SLC8A1: variants seen among roughly 807,000 people sequenced by gnomAD.
SLC8A1 encodes solute carrier family 8 member A1, also known as sodium/calcium exchanger 1.
A neutral mutation model predicts 68.3 loss-of-function variants in SLC8A1; 18 were observed. The observed-to-expected ratio is 0.26, with a 90% CI of 0.18 to 0.39. SLC8A1 has a LOEUF of 0.39. Among genes scored for constraint, SLC8A1 ranks in the 10% least tolerant of loss-of-function variants. The pLI is 1.00. For synonymous variants in SLC8A1, 475 were observed against 415.5 expected (o/e 1.14, Z -1.74); for missense variants, 985 against 1,156.7 (o/e 0.85, Z 2.15).
chr2:40,405,999 T>C (rs1474380201), intron 2 of SLC8A1, among the ~76,000 whole-genome samples: 1 of 152,218 alleles, frequency 6.6e-6, no homozygotes, highest in African/African-American at 2.4e-5. Context: ...ATGTAATATG[T>C]CTTCCATCAC....
At chr2:40,304,000 C>T (rs375264995) in intron 2 of SLC8A1, among the ~76,000 whole-genome samples, 3 of 152,300 alleles carry the variant, frequency 2.0e-5, no homozygotes, top group East Asian at 1.9e-4. Context: ...ATCAACAAGA[C>T]GTCATTTACC....
chr2:40,244,176 T>C (rs538385215), intron 2 of SLC8A1, among the ~76,000 whole-genome samples: 2 of 152,132 alleles, frequency 1.3e-5, no homozygotes, highest in Non-Finnish European at 2.9e-5. Context: ...TTTCCTGGTA[T>C]CTCCTCACTA....
At chr2:40,474,451 A>AT (rs1167514280) in intron 1 of SLC8A1, among the ~76,000 whole-genome samples, 1 of 152,154 alleles carries the variant, frequency 6.6e-6, no homozygotes, top group Admixed American at 6.5e-5. Context: ...TCAATTTCTA[A>AT]TTTTTTTGAC....
chr2:40,123,524 G>A (rs540423477), intron 7 of SLC8A1, among the ~76,000 whole-genome samples: 1 of 152,128 alleles, frequency 6.6e-6, no homozygotes, highest in Non-Finnish European at 1.5e-5. Context: ...TCCAAATGAT[G>A]AACAATTTTT....
At chr2:40,280,171 CCTGA>C (rs1324256129) in intron 2 of SLC8A1, among the ~76,000 whole-genome samples, 1 of 146,704 alleles carries the variant, frequency 6.8e-6, no homozygotes, top group Non-Finnish European at 1.5e-5. Flanking sequence ...ATAGTGTAAA[CCTGA>C]CTAAAATATG....
chr2:40,130,957 T>A (rs1279600566), intron 7 of SLC8A1, among the ~76,000 whole-genome samples: 4 of 152,256 alleles, frequency 2.6e-5, no homozygotes, highest in African/African-American at 9.6e-5. Context: ...TTTTTCAGTT[T>A]TCAATTGCTG....
At chr2:40,207,122 T>C (rs432981) in intron 2 of SLC8A1, among the ~76,000 whole-genome samples, 21,393 of 152,112 alleles carry the variant, frequency 0.14, 1,889 homozygotes, top group African/African-American at 0.23. Context: ...CATTGTGTCA[T>C]GGTTACTTAT....
intron 2 of SLC8A1, among the ~76,000 whole-genome samples, chr2:40,329,509 T>C (rs1368852200): frequency 2.0e-5 from 3 of 152,204 alleles, no homozygotes; most frequent in African/African-American, 7.2e-5. Flanking sequence ...ATTTAAGATG[T>C]TCAACAGAAT....
intron 1 of SLC8A1, chr2:40,512,340 G>A (rs1190904269): frequency 3.3e-5 from 5 of 152,212 alleles, no homozygotes; most frequent in Admixed American, 6.6e-5. Context: ...ACAAAAGCCC[G>A]GCACCTACCT....
intron 2 of SLC8A1, among the ~76,000 whole-genome samples, chr2:40,230,468 C>T (rs548927807): frequency 7.2e-5 from 11 of 152,228 alleles, no homozygotes; most frequent in African/African-American, 2.2e-4. Context: ...AGAAATGCTG[C>T]TTAGATCCAC....
intron 1 of SLC8A1, among the ~76,000 whole-genome samples, chr2:40,473,143 G>T (rs1351761157): frequency 6.6e-6 from 1 of 152,130 alleles, no homozygotes; most frequent in Middle Eastern, 3.4e-3. Context: ...ATGTCCAGGG[G>T]AAAAAGACCT....
At chr2:40,271,030 G>T (rs1313008057) in intron 2 of SLC8A1, among the ~76,000 whole-genome samples, 1 of 152,076 alleles carries the variant, frequency 6.6e-6, no homozygotes, top group Non-Finnish European at 1.5e-5. Flanking sequence ...GTCCACTGTG[G>T]TCTCATGTAC....
At chr2:40,350,236 C>A (rs1205020471) in intron 2 of SLC8A1, among the ~76,000 whole-genome samples, 1 of 152,108 alleles carries the variant, frequency 6.6e-6, no homozygotes, top group South Asian at 2.1e-4. Flanking sequence ...AATCCCAGCA[C>A]TTTGGGAGGT....
intron 6 of SLC8A1, among the ~76,000 whole-genome samples, chr2:40,146,639 G>GCCCCCCC (rs199542049): frequency 0.33 from 49,791 of 151,426 alleles, 8,766 homozygotes; most frequent in African/African-American, 0.45. Flanking sequence ...GGGATGGGAG[G>GCCCCCCC]CAGTGAAAGA....
chr2:40,411,830 C>A (rs1225218505), intron 2 of SLC8A1, among the ~76,000 whole-genome samples: 1 of 151,932 alleles, frequency 6.6e-6, no homozygotes, highest in East Asian at 1.9e-4. Flanking sequence ...CAATTTTCTC[C>A]TTGTCTTTTA....
At chr2:40,168,797 T>C (rs17025372) in intron 4 of SLC8A1, among the ~76,000 whole-genome samples, 29,917 of 152,182 alleles carry the variant, frequency 0.2, 3,724 homozygotes, top group East Asian at 0.64. Context: ...ATGGAAAATA[T>C]ACTCTTTCTC....
intron 1 of SLC8A1, among the ~76,000 whole-genome samples, chr2:40,493,894 C>A (rs1421929172): frequency 6.6e-6 from 1 of 151,648 alleles, no homozygotes; most frequent in Non-Finnish European, 1.5e-5. Context: ...CCCAACATTC[C>A]TTTCCTTTCC....
At chr2:40,349,603 T>C (rs980996251) in intron 2 of SLC8A1, among the ~76,000 whole-genome samples, 3 of 152,122 alleles carry the variant, frequency 2.0e-5, no homozygotes, top group Admixed American at 6.6e-5. Flanking sequence ...ATTGTGAGGC[T>C]GGAAGGAGCT....
intron 2 of SLC8A1, chr2:40,337,285 T>G (rs1310393338): frequency 3.1e-6 from 1 of 325,970 alleles, no homozygotes; most frequent in Non-Finnish European, 6.9e-6. Flanking sequence ...AGGTATAAAA[T>G]TTTAGTATGT....
Sources: allele counts gnomAD v4.1 joint callset (sites outside exome capture counted in the v4.1 genomes callset), GRCh38; gene constraint gnomAD v4.1.1; transcripts MANE v1.5; gene names NCBI Gene and HGNC (gene_info 2026-07-23, HGNC 2026-07-21).